ZNF407: variants seen among roughly 807,000 people sequenced by gnomAD.
The protein encoded by ZNF407 is zinc finger protein 407.
Under a neutral mutation model 131.2 loss-of-function variants are expected in ZNF407, and 17 were observed. That is an observed-to-expected ratio of 0.13 (90% confidence interval 0.09 to 0.19). The LOEUF (loss-of-function observed/expected upper bound fraction) is 0.19, where lower values mean the gene tolerates loss of function less well. Among genes scored for constraint, ZNF407 ranks in the 10% least tolerant of loss-of-function variants. ZNF407 has a pLI of 1.00. For missense variants in ZNF407, 2,681 were observed against 2,830.6 expected (o/e 0.95, Z 1.20); for synonymous variants, 1,156 against 1,062.0 (o/e 1.09, Z -1.72).
chr18:74,662,437 A>G (rs998517042), intron 3 of ZNF407, among the ~76,000 whole-genome samples: 27 of 152,368 alleles, frequency 1.8e-4, no homozygotes, highest in South Asian at 8.3e-4. Context: ...GCCGATTGCC[A>G]TGTGAAATGC....
At chr18:74,643,106 G>A (rs988094213) in intron 3 of ZNF407, among the ~76,000 whole-genome samples, 5 of 152,032 alleles carry the variant, frequency 3.3e-5, no homozygotes, top group African/African-American at 1.2e-4. Context: ...GTTTCAAAGG[G>A]ATAGGGCAGT....
chr18:74,652,071 T>C (rs1157557601), intron 3 of ZNF407, among the ~76,000 whole-genome samples: 1 of 152,156 alleles, frequency 6.6e-6, no homozygotes, highest in Non-Finnish European at 1.5e-5. Context: ...GAATTTGATA[T>C]CATCAAGTAG....
chr18:74,966,156 T>G (rs537748316), intron 8 of ZNF407, among the ~76,000 whole-genome samples: 1 of 152,228 alleles, frequency 6.6e-6, no homozygotes, highest in African/African-American at 2.4e-5. Flanking sequence ...GTGCAGAAGC[T>G]TTTTAACTTG....
intron 4 of ZNF407, among the ~76,000 whole-genome samples, chr18:74,841,142 GC>G (rs1970627153): frequency 6.6e-6 from 1 of 152,164 alleles, no homozygotes; most frequent in Admixed American, 6.5e-5. Context: ...TTATTGCTTT[GC>G]CAGATTTTCT....
Position 75,027,878 on chromosome 18 carries a change from C to T in ZNF407, c.5429-35272C>T, listed in dbSNP as rs189941699. Among the ~76,000 whole-genome samples, 271 of 152,296 alleles carry T rather than the reference C, an allele frequency of 1.8e-3. 1 individual carries two copies. Among genetic ancestry groups the T allele is most frequent in the African/African-American group, 5.8e-3 (239 of 41,558 alleles). On this transcript the variant is annotated intron_variant, in intron 8 of 8. Transcript: ENST00000299687. Reference sequence around the variant, plus strand: ...GATGGTCAGCTGTAGCTACTGCCCACGAGACATGGTCAGAATGAGCCTGTA... The same window carrying T: ...GATGGTCAGCTGTAGCTACTGCCCATGAGACATGGTCAGAATGAGCCTGTA...
rs573483957 is a variant in ZNF407, at chr18:74,663,848, C to T, written c.4802+22726C>T. On this transcript the variant is annotated intron_variant, in intron 3 of 8. Transcript: ENST00000299687. ...CATTGCATCTTTGAGACTTTAAAGG[C>T]CTGTCATAGGCAAGAAGGAAACGTA... Among the ~76,000 whole-genome samples the T allele has an allele frequency of 3.9e-5, 6 of 152,220 alleles. No individual in the cohort carries two copies. In the South Asian group the frequency reaches 1.2e-3, roughly 32 times the overall value.
At chr18:74,661,319 G>C (rs868734332) in intron 3 of ZNF407, among the ~76,000 whole-genome samples, 91 of 150,846 alleles carry the variant, frequency 6.0e-4, no homozygotes, top group Non-Finnish European at 1.6e-4. Context: ...ACTTCTAAAA[G>C]GCTGTAAGCT....
At chr18:74,656,047 C>G (rs576565647) in intron 3 of ZNF407, among the ~76,000 whole-genome samples, 1 of 151,976 alleles carries the variant, frequency 6.6e-6, no homozygotes, top group South Asian at 2.1e-4. Context: ...TTCTTGAAGA[C>G]AAATGAATTA....
intron 8 of ZNF407, among the ~76,000 whole-genome samples, chr18:74,958,107 T>C (rs2145287841): frequency 6.6e-6 from 1 of 152,314 alleles, no homozygotes; most frequent in South Asian, 2.1e-4. Flanking sequence ...AATGTTCGTC[T>C]TCACCTACGA....
intron 3 of ZNF407, among the ~76,000 whole-genome samples, chr18:74,702,165 A>C (rs1344682530): frequency 1.3e-5 from 2 of 152,208 alleles, no homozygotes; most frequent in Non-Finnish European, 1.5e-5. Context: ...TTATAATATT[A>C]CATTGCCTTT....
chr18:74,932,834 A>G (rs1198630191), intron 8 of ZNF407, among the ~76,000 whole-genome samples: 1 of 152,218 alleles, frequency 6.6e-6, no homozygotes, highest in Non-Finnish European at 1.5e-5. Flanking sequence ...TAATAAAAAA[A>G]ACCTACGACT....
chr18:75,007,973 G>A (rs115827434), intron 8 of ZNF407, among the ~76,000 whole-genome samples: 49 of 152,252 alleles, frequency 3.2e-4, no homozygotes, highest in Non-Finnish European at 5.7e-4. Context: ...TGGTTTTCTC[G>A]GCCAAAGGAA....
intron 8 of ZNF407, among the ~76,000 whole-genome samples, chr18:74,929,270 G>A (rs1014848177): frequency 5.9e-5 from 9 of 152,132 alleles, no homozygotes; most frequent in African/African-American, 2.2e-4. Flanking sequence ...TCCCTTCCCT[G>A]CTGCGCCAAG....
intron 7 of ZNF407, among the ~76,000 whole-genome samples, chr18:74,899,060 T>C (rs925387951): frequency 6.6e-6 from 1 of 152,190 alleles, no homozygotes; most frequent in African/African-American, 2.4e-5. Context: ...CATGAGATTC[T>C]GTGGTAAAAG....
intron 8 of ZNF407, among the ~76,000 whole-genome samples, chr18:75,021,929 AAAC>A (rs1173369933): frequency 1.3e-5 from 2 of 151,956 alleles, no homozygotes. Context: ...TTTTGTCCTC[AAAC>A]AACACATTAA....
At chr18:74,846,274 T>A (rs947456768) in intron 4 of ZNF407, among the ~76,000 whole-genome samples, 1 of 152,162 alleles carries the variant, frequency 6.6e-6, no homozygotes, top group South Asian at 2.1e-4. Context: ...CATCAGTTCA[T>A]ATACAGTGTT....
intron 4 of ZNF407, among the ~76,000 whole-genome samples, chr18:74,857,536 T>G (rs771345691): frequency 9.9e-5 from 15 of 152,100 alleles, no homozygotes; most frequent in Non-Finnish European, 2.2e-4. Context: ...AATCTTTTGA[T>G]TCTTGTGATG....
chr18:74,875,384 G>A (rs1971141915), intron 4 of ZNF407, among the ~76,000 whole-genome samples: 2 of 152,118 alleles, frequency 1.3e-5, no homozygotes, highest in African/African-American at 4.8e-5. Flanking sequence ...AGGTTTCATA[G>A]ATGTAATTTT....
At chr18:74,941,546 G>T (rs1263727984) in intron 8 of ZNF407, among the ~76,000 whole-genome samples, 1 of 152,112 alleles carries the variant, frequency 6.6e-6, no homozygotes, top group African/African-American at 2.4e-5. Context: ...TACTATAATG[G>T]GTTGCTAAGC....
Sources: gnomAD v4.1 joint callset for allele counts (sites outside exome capture counted in the v4.1 genomes callset) on GRCh38, gnomAD v4.1.1 for gene constraint, MANE v1.5 for transcripts, NCBI Gene and HGNC (gene_info 2026-07-23, HGNC 2026-07-21) for gene names.